The following GRM7 variants were observed in gnomAD, a reference collection of about 807,000 sequenced individuals.
The protein encoded by GRM7 is metabotropic glutamate receptor 7.
Under a neutral mutation model 84.5 loss-of-function variants are expected in GRM7, and 35 were observed. The observed-to-expected ratio is 0.41, with a 90% CI of 0.32 to 0.55. GRM7 has a LOEUF of 0.55. Ranked by LOEUF, GRM7 falls within the 20% of genes least tolerant of loss-of-function variation. The pLI, the probability that GRM7 is intolerant of heterozygous loss-of-function variation, is 0.19. For synonymous variants in GRM7, 487 were observed against 455.1 expected, an observed-to-expected ratio of 1.07 and a Z score of -0.89; for missense variants, 1,003 against 1,194.6, an observed-to-expected ratio of 0.84 and a Z score of 2.36.
intron 2 of GRM7, among the ~76,000 whole-genome samples, chr3:7,174,630 C>G (rs1352073648): frequency 6.6e-6 from 1 of 152,204 alleles, no homozygotes; most frequent in Non-Finnish European, 1.5e-5. Context: ...TTCCCTGTAT[C>G]TTGTTCTACA....
chr3:7,633,889 TAA>T (rs1399992788), intron 8 of GRM7, among the ~76,000 whole-genome samples: 1 of 152,194 alleles, frequency 6.6e-6, no homozygotes, highest in Non-Finnish European at 1.5e-5. Context: ...GGATTTTTCT[TAA>T]CCTTGACCTT....
chr3:7,009,244 G>T (rs1330623870), intron 1 of GRM7, among the ~76,000 whole-genome samples: 1 of 152,106 alleles, frequency 6.6e-6, no homozygotes, highest in Non-Finnish European at 1.5e-5. Flanking sequence ...AAGAATATGT[G>T]TATCACTGTA....
intron 9 of GRM7, among the ~76,000 whole-genome samples, chr3:7,733,063 C>T (rs1296875651): frequency 6.6e-6 from 1 of 152,128 alleles, no homozygotes; most frequent in Non-Finnish European, 1.5e-5. Context: ...TCACTTTCAT[C>T]ACTGTCTTTG....
chr3:7,670,888 G>A (rs529520737), intron 8 of GRM7, among the ~76,000 whole-genome samples: 5 of 152,228 alleles, frequency 3.3e-5, no homozygotes, highest in Non-Finnish European at 7.4e-5. Context: ...ATATGGCAGA[G>A]GATTAAAGGG....
intron 1 of GRM7, among the ~76,000 whole-genome samples, chr3:7,096,957 C>T (rs186496123): frequency 6.6e-6 from 1 of 152,228 alleles, no homozygotes; most frequent in Non-Finnish European, 1.5e-5. Flanking sequence ...ATAGTAGAAA[C>T]GTGAAACATC....
In GRM7 at chr3:7,733,602, AC is replaced by A. The variant is rs367836101; in HGVS notation, c.2699-6753del. On this transcript the variant is annotated intron_variant, in intron 9 of 9. Coordinates refer to ENST00000357716, the MANE Select transcript of GRM7 (RefSeq NM_000844.4). ...CTGCCTCTATCATTAGAGTACCTTA[AC>A]CTCCTGGGAATGCAGCTCAGAAGGT... Among the ~76,000 whole-genome samples, 42 of 151,796 alleles carry A rather than the reference AC, an allele frequency of 2.8e-4. No individual in the cohort carries two copies. The East Asian group carries it at 8.0e-3, about 29-fold the overall frequency.
chr3:7,513,604 C>T (rs892499102), intron 7 of GRM7, among the ~76,000 whole-genome samples: 4 of 152,084 alleles, frequency 2.6e-5, no homozygotes, highest in African/African-American at 9.7e-5. Flanking sequence ...AAAGAGTGGA[C>T]TTGTGATATT....
intron 7 of GRM7, among the ~76,000 whole-genome samples, chr3:7,541,325 T>C (rs1251718895): frequency 6.6e-6 from 1 of 152,174 alleles, no homozygotes; most frequent in African/African-American, 2.4e-5. Context: ...GCCAAACTTA[T>C]ACTAAATTCA....
chr3:7,032,831 C>T (rs1696237357), intron 1 of GRM7, among the ~76,000 whole-genome samples: 1 of 152,164 alleles, frequency 6.6e-6, no homozygotes, highest in African/African-American at 2.4e-5. Flanking sequence ...AAGATACCAA[C>T]TGAGTCAAAG....
chr3:6,896,792 T>C (rs1696198912), intron 1 of GRM7, among the ~76,000 whole-genome samples: 1 of 152,184 alleles, frequency 6.6e-6, no homozygotes, highest in African/African-American at 2.4e-5. Context: ...TCCTGGAAAA[T>C]AACTCTTCTT....
At position 7,151,534 on chromosome 3, in the gene GRM7, G is replaced by T. The variant is rs946167890; in HGVS notation, c.736+4866G>T. On this transcript the variant is annotated intron_variant, in intron 2 of 9. Transcript: ENST00000357716. The surrounding 1 kb of genome is among the most constrained non-coding windows in gnomAD (Gnocchi z 4.5). Reference sequence around the variant, plus strand: ...CAGATACAATGTTCTATCTTGTGGTGTGCATTGCCCATTGTTAGTCTTTGC... The same window carrying T: ...CAGATACAATGTTCTATCTTGTGGTTTGCATTGCCCATTGTTAGTCTTTGC... Among the ~76,000 whole-genome samples the T allele has an allele frequency of 6.6e-6, 1 of 152,130 alleles. No homozygotes were observed. The highest frequency in any genetic ancestry group is 2.4e-5 in the African/African-American group (1 of 41,418).
At chr3:7,453,435 G>A (rs957440053) in intron 6 of GRM7, among the ~76,000 whole-genome samples, 1 of 152,024 alleles carries the variant, frequency 6.6e-6, no homozygotes, top group Non-Finnish European at 1.5e-5. Flanking sequence ...GCTATAAACT[G>A]GAATTTTCAC....
intron 1 of GRM7, among the ~76,000 whole-genome samples, chr3:6,977,132 C>T (rs976319839): frequency 4.6e-5 from 7 of 152,074 alleles, no homozygotes; most frequent in Non-Finnish European, 8.8e-5. Context: ...GAAGTTGTGG[C>T]GAAACCAAGT....
chr3:6,945,224 C>A (rs758922605), intron 1 of GRM7, among the ~76,000 whole-genome samples: 51 of 151,220 alleles, frequency 3.4e-4, no homozygotes, highest in Non-Finnish European at 5.9e-4. Context: ...CCCCCCACCC[C>A]ACAACAGTCC....
intron 1 of GRM7, among the ~76,000 whole-genome samples, chr3:7,034,636 T>C (rs1426592293): frequency 6.6e-6 from 1 of 152,200 alleles, no homozygotes; most frequent in South Asian, 2.1e-4. Flanking sequence ...TCAAAAATTA[T>C]GATTTTTTTC....
intron 8 of GRM7, among the ~76,000 whole-genome samples, chr3:7,593,401 A>G (rs1296761513): frequency 6.6e-6 from 1 of 152,222 alleles, no homozygotes; most frequent in Non-Finnish European, 1.5e-5. Flanking sequence ...GGAAAGGGGA[A>G]CAAGACAAAT....
intron 7 of GRM7, among the ~76,000 whole-genome samples, chr3:7,503,846 A>G (rs542584283): frequency 1.3e-5 from 2 of 152,276 alleles, no homozygotes; most frequent in South Asian, 4.1e-4. Flanking sequence ...GCTTTAATTA[A>G]TGAATGCAGA....
chr3:7,624,726 A>G (rs6799023), intron 8 of GRM7, among the ~76,000 whole-genome samples: 88,769 of 151,944 alleles, frequency 0.58, 26,316 homozygotes, highest in East Asian at 0.73. Flanking sequence ...GGGTTCAATA[A>G]ACATTAGTTT....
chr3:7,600,498 T>C (rs1287078562), intron 8 of GRM7, among the ~76,000 whole-genome samples: 4 of 152,132 alleles, frequency 2.6e-5, no homozygotes, highest in Admixed American at 2.0e-4. Context: ...CCTGTGCTGT[T>C]GAACGGGGTA....
Sources: allele counts gnomAD v4.1 joint callset (sites outside exome capture counted in the v4.1 genomes callset), GRCh38; gene constraint gnomAD v4.1.1; non-coding constraint Gnocchi (gnomAD v3.1); transcripts MANE v1.5; gene names NCBI Gene and HGNC (gene_info 2026-07-23, HGNC 2026-07-21).